Variants in ROBO2 observed in about 807,000 individuals in gnomAD.
ROBO2 encodes the protein roundabout homolog 2.
In ROBO2, 53 loss-of-function variants were observed where a neutral mutation model predicts 160.8. The observed-to-expected ratio is 0.33, with a 90% CI of 0.26 to 0.41. The LOEUF (loss-of-function observed/expected upper bound fraction) is 0.41. ROBO2 is among the 10% of genes least tolerant of loss of function. The pLI is 1.00. For synonymous variants in ROBO2, 664 were observed against 611.7 expected, an observed-to-expected ratio of 1.09 and a Z score of -1.26; for missense variants, 1,577 against 1,722.4, an observed-to-expected ratio of 0.92 and a Z score of 1.49.
Position 76,129,731 on chromosome 3 carries a change from T to C in ROBO2, c.109+192129T>C, listed in dbSNP as rs1015670832. ...AACATTAGGAGATGTGCCTCTAGAG[T>C]CAGTAATCTTGATGACTGAGGCAAT... is the stretch of plus-strand genomic sequence containing the variant. On this transcript the variant is annotated intron_variant, in intron 2 of 26. Coordinates refer to the ROBO2 transcript ENST00000487694. 3.3e-5 allele frequency among the ~76,000 whole-genome samples: 5 copies of C among 151,852 alleles called. 1 individual carries two copies. Among genetic ancestry groups the C allele is most frequent in the Admixed American group, 1.3e-4 (2 of 15,228 alleles).
At chr3:76,934,364 A>G (rs907033394) in intron 2 of ROBO2, among the ~76,000 whole-genome samples, 5 of 152,150 alleles carry the variant, frequency 3.3e-5, no homozygotes, top group African/African-American at 1.2e-4. Flanking sequence ...ATTTTTGTGG[A>G]ATGTATGATT....
chr3:76,138,642 A>G (rs1423248231), intron 2 of ROBO2, among the ~76,000 whole-genome samples: 3 of 152,048 alleles, frequency 2.0e-5, no homozygotes, highest in African/African-American at 4.8e-5. Flanking sequence ...ACATGGGACA[A>G]TGAGACATTT....
At chr3:77,090,896 CG>C (rs984776683) in intron 1 of ROBO2, among the ~76,000 whole-genome samples, 2 of 152,044 alleles carry the variant, frequency 1.3e-5, no homozygotes, top group African/African-American at 4.8e-5. Flanking sequence ...CTATTTATAT[CG>C]TTTTGGGGAA....
At chr3:76,398,361 A>G (rs1188112321) in intron 2 of ROBO2, among the ~76,000 whole-genome samples, 1 of 151,684 alleles carries the variant, frequency 6.6e-6, no homozygotes, top group Non-Finnish European at 1.5e-5. Context: ...GCATTAGGAG[A>G]TATACCTAAT....
chr3:77,084,412 T>A (rs534075121), intron 1 of ROBO2, among the ~76,000 whole-genome samples: 1 of 152,294 alleles, frequency 6.6e-6, no homozygotes, highest in South Asian at 2.1e-4. Flanking sequence ...GGCAACTTCC[T>A]ACATTTTAGA....
At chr3:76,954,785 G>C (rs568257145) in intron 2 of ROBO2, among the ~76,000 whole-genome samples, 1 of 152,280 alleles carries the variant, frequency 6.6e-6, no homozygotes, top group Non-Finnish European at 1.5e-5. Flanking sequence ...ACATCATCAT[G>C]ATGAACAAAA....
intron 2 of ROBO2, among the ~76,000 whole-genome samples, chr3:77,132,877 C>A (rs578062742): frequency 6.6e-6 from 1 of 152,154 alleles, no homozygotes; most frequent in Non-Finnish European, 1.5e-5. Flanking sequence ...ACATCTTCTA[C>A]ATGTTAGGCA....
intron 2 of ROBO2, among the ~76,000 whole-genome samples, chr3:76,305,126 T>C (rs567580743): frequency 1.3e-4 from 20 of 152,114 alleles, no homozygotes; most frequent in Admixed American, 9.2e-4. Context: ...TTTTAGATCA[T>C]GCCTTTAATT....
chr3:76,477,919 A>G (rs1048665582), intron 2 of ROBO2, among the ~76,000 whole-genome samples: 7 of 152,086 alleles, frequency 4.6e-5, no homozygotes, highest in African/African-American at 1.4e-4. Flanking sequence ...CAATACATTT[A>G]GCAATTTTCC....
chr3:75,978,200 T>C (rs1268180344), intron 2 of ROBO2, among the ~76,000 whole-genome samples: 1 of 151,550 alleles, frequency 6.6e-6, no homozygotes, highest in South Asian at 2.1e-4. Flanking sequence ...TAAAAACTGG[T>C]TGGCTTTTGT....
chr3:76,963,346 A>T (rs2079809726), intron 2 of ROBO2, among the ~76,000 whole-genome samples: 1 of 152,166 alleles, frequency 6.6e-6, no homozygotes, highest in Admixed American at 6.6e-5. Flanking sequence ...GATAGAAAAT[A>T]ATACAGAAAT....
At chr3:77,562,521 C>T (rs1203092353) in intron 9 of ROBO2, 130 bp from the exon 11 acceptor site, 2 of 659,392 alleles carry the variant, frequency 3.0e-6, no homozygotes, top group Non-Finnish European at 5.6e-6. Context: ...ATGATTGACT[C>T]TAATGCATAA....
chr3:76,839,188 C>A (rs1166950), intron 2 of ROBO2, among the ~76,000 whole-genome samples: 68,664 of 151,858 alleles, frequency 0.45, 16,718 homozygotes, highest in Middle Eastern at 0.56. Flanking sequence ...AAGAATTCTA[C>A]AAAACCAAGA....
intron 1 of ROBO2, among the ~76,000 whole-genome samples, chr3:77,057,569 A>ATTTTTTTTTTTTTTTT (rs71104648): frequency 2.8e-5 from 3 of 105,266 alleles, no homozygotes; most frequent in African/African-American, 3.7e-5. Context: ...ATTCCAGAGG[A>ATTTTTTTTTTTTTTTT]TTTTTTTTTT....
chr3:76,466,549 A>G (rs922027630), intron 2 of ROBO2, among the ~76,000 whole-genome samples: 49 of 152,130 alleles, frequency 3.2e-4, no homozygotes, highest in African/African-American at 1.1e-3. Context: ...ATGGTGTACA[A>G]TGAAACACTT....
intron 2 of ROBO2, among the ~76,000 whole-genome samples, chr3:77,454,421 A>G (rs181230306): frequency 2.6e-4 from 40 of 152,194 alleles, no homozygotes; most frequent in African/African-American, 9.6e-4. Context: ...CTCATTTGCA[A>G]TCAAAACTCT....
intron 2 of ROBO2, among the ~76,000 whole-genome samples, chr3:75,981,946 C>A (rs2065291034): frequency 6.6e-6 from 1 of 151,298 alleles, no homozygotes; most frequent in Non-Finnish European, 1.5e-5. Flanking sequence ...CTTCTGGTAA[C>A]CACCCTTCTA....
At chr3:76,109,816 CT>C (rs1189840717) in intron 2 of ROBO2, among the ~76,000 whole-genome samples, 4 of 151,852 alleles carry the variant, frequency 2.6e-5, no homozygotes, top group African/African-American at 9.7e-5. Context: ...CCTCATCCCT[CT>C]CCCACCCTTC....
upstream of ROBO2, among the ~76,000 whole-genome samples, chr3:77,035,159 C>G (rs1172212758): frequency 1.3e-5 from 2 of 151,798 alleles, no homozygotes; most frequent in African/African-American, 4.8e-5. Flanking sequence ...TCTTTGCTGC[C>G]AAAGAACTCC....
Sources: allele counts gnomAD v4.1 joint callset (sites outside exome capture counted in the v4.1 genomes callset), GRCh38; gene constraint gnomAD v4.1.1; transcripts MANE v1.5; gene names NCBI Gene and HGNC (gene_info 2026-07-23, HGNC 2026-07-21).